Variants in SNX7 observed in about 807,000 individuals in gnomAD.
The protein encoded by SNX7 is sorting nexin-7.
A neutral mutation model predicts 48.4 loss-of-function variants in SNX7; 35 were observed. The observed-to-expected ratio is 0.72, with a 90% CI of 0.55 to 0.96. The LOEUF (loss-of-function observed/expected upper bound fraction) is 0.96. Ranked by LOEUF, SNX7 falls within the 40% of genes least tolerant of loss-of-function variation. SNX7 has a pLI of 0.00. For synonymous variants in SNX7, 190 were observed against 190.2 expected (o/e 1.00, Z 0.01); for missense variants, 553 against 548.9 (o/e 1.01, Z -0.07).
At chr1:98,723,101 A>G (rs1446056478) in intron 7 of SNX7, among the ~76,000 whole-genome samples, 1 of 152,218 alleles carries the variant, frequency 6.6e-6, no homozygotes, top group Non-Finnish European at 1.5e-5. Context: ...AATAAATAAA[A>G]TAATTGCAAG....
chr1:98,686,195 TC>T (rs1371303924), intron 2 of SNX7, among the ~76,000 whole-genome samples: 1 of 152,156 alleles, frequency 6.6e-6, no homozygotes, highest in African/African-American at 2.4e-5. Context: ...GTTGTTACTG[TC>T]CCCTGGCTGA....
intron 7 of SNX7, among the ~76,000 whole-genome samples, chr1:98,704,946 C>T (rs191140620): frequency 6.6e-6 from 1 of 152,256 alleles, no homozygotes; most frequent in East Asian, 1.9e-4. Context: ...TTCCAGAGGA[C>T]ATTTGACTAT....
At chr1:98,756,434 T>G (rs1654858391) in intron 8 of SNX7, among the ~76,000 whole-genome samples, 1 of 145,738 alleles carries the variant, frequency 6.9e-6, no homozygotes, top group South Asian at 2.2e-4. Flanking sequence ...TTTTTTTTTT[T>G]TTTTTTTTTT....
chr1:98,706,016 G>A (rs1026483817), intron 7 of SNX7, among the ~76,000 whole-genome samples: 15 of 152,098 alleles, frequency 9.9e-5, no homozygotes, highest in Non-Finnish European at 1.9e-4. Flanking sequence ...AAAAAGTGAA[G>A]AAGAAATCTG....
At chr1:98,738,174 G>C in intron 7 of SNX7, 63 bp from the exon 8 acceptor site, 21 of 1,538,966 alleles carry the variant, frequency 1.4e-5, no homozygotes, top group Non-Finnish European at 1.8e-5. Flanking sequence ...ACTTAAATTT[G>C]ATGAATTCAC....
chr1:98,743,689 A>G (rs1303304977), intron 8 of SNX7, among the ~76,000 whole-genome samples: 4 of 152,092 alleles, frequency 2.6e-5, no homozygotes, highest in Non-Finnish European at 5.9e-5. Context: ...AGTGTCCAGA[A>G]GGTTCTTCAA....
intron 8 of SNX7, among the ~76,000 whole-genome samples, chr1:98,742,528 A>G (rs1475907432): frequency 6.6e-6 from 1 of 152,128 alleles, no homozygotes; most frequent in South Asian, 2.1e-4. Context: ...ATTCCTTTGC[A>G]TAGCTTATTT....
intron 7 of SNX7, among the ~76,000 whole-genome samples, chr1:98,718,900 C>A (rs1340636859): frequency 6.6e-6 from 1 of 151,956 alleles, no homozygotes. Flanking sequence ...ACATGATATC[C>A]CATTGTATGG....
chr1:98,701,659 CA>C (rs5776431), intron 6 of SNX7, among the ~76,000 whole-genome samples, 157 bp from the exon 7 acceptor site: 121,711 of 143,702 alleles, frequency 0.85, 51,950 homozygotes, highest in South Asian at 0.92. Context: ...TAGAGAGTAA[CA>C]AAAAAAAAAA....
At chr1:98,703,216 C>A (rs1395383543) in intron 7 of SNX7, among the ~76,000 whole-genome samples, 1 of 152,060 alleles carries the variant, frequency 6.6e-6, no homozygotes, top group Non-Finnish European at 1.5e-5. Flanking sequence ...AGGGACTACT[C>A]TGATTTGTGC....
intron 1 of SNX7, among the ~76,000 whole-genome samples, chr1:98,672,756 C>T (rs1043856109): frequency 5.1e-4 from 76 of 149,450 alleles, no homozygotes; most frequent in Middle Eastern, 6.9e-3. Flanking sequence ...AACCCCGTCT[C>T]TACTAAAAAT....
At chr1:98,666,029 ATCTAT>A (rs1438476532) in intron 1 of SNX7, among the ~76,000 whole-genome samples, 1 of 152,194 alleles carries the variant, frequency 6.6e-6, no homozygotes, top group Admixed American at 6.5e-5. Flanking sequence ...TATACTATTC[ATCTAT>A]TCTATCAAAT....
At chr1:98,713,591 C>G (rs1652434539) in intron 7 of SNX7, among the ~76,000 whole-genome samples, 1 of 152,148 alleles carries the variant, frequency 6.6e-6, no homozygotes. Flanking sequence ...TTTGAAATGC[C>G]TTCCTCACTA....
chr1:98,686,319 C>T (rs1650795707), intron 2 of SNX7, among the ~76,000 whole-genome samples: 1 of 152,034 alleles, frequency 6.6e-6, no homozygotes, highest in Non-Finnish European at 1.5e-5. Context: ...TCCAACTAAG[C>T]TGTTTTTTTA....
intron 1 of SNX7, among the ~76,000 whole-genome samples, chr1:98,664,033 C>T (rs1649408943): frequency 6.6e-6 from 1 of 152,200 alleles, no homozygotes; most frequent in South Asian, 2.1e-4. Flanking sequence ...CGTGGCCTTC[C>T]CTTTCCACTA....
chr1:98,758,094 T>A (rs1055252546), intron 8 of SNX7, among the ~76,000 whole-genome samples: 1 of 152,112 alleles, frequency 6.6e-6, no homozygotes, highest in African/African-American at 2.4e-5. Context: ...GCTAGCATCA[T>A]CACAGTGCCT....
intron 8 of SNX7, among the ~76,000 whole-genome samples, chr1:98,753,299 G>T (rs185249887): frequency 5.3e-5 from 8 of 152,198 alleles, no homozygotes. Context: ...AAATCGTGAA[G>T]TAGCTAATTT....
intron 7 of SNX7, among the ~76,000 whole-genome samples, chr1:98,716,204 A>T (rs1209153059): frequency 6.6e-6 from 1 of 151,980 alleles, no homozygotes; most frequent in East Asian, 1.9e-4. Context: ...GGGCTTTCAC[A>T]CCCTGCAAGG....
chr1:98,751,500 GCT>G (rs1286657482), intron 8 of SNX7, among the ~76,000 whole-genome samples: 1 of 152,004 alleles, frequency 6.6e-6, no homozygotes, highest in Non-Finnish European at 1.5e-5. Flanking sequence ...TCCTGTGGTG[GCT>G]CTCTTTCTCT....
Sources: gnomAD v4.1 joint callset for allele counts (sites outside exome capture counted in the v4.1 genomes callset) on GRCh38, gnomAD v4.1.1 for gene constraint, MANE v1.5 for transcripts, NCBI Gene and HGNC (gene_info 2026-07-23, HGNC 2026-07-21) for gene names.